ZNF469: variants seen among roughly 807,000 people sequenced by gnomAD.
ZNF469 encodes the protein zinc finger protein 469.
ZNF469 carries 1 observed loss-of-function variant against 1.0 expected under a neutral mutation model. The ratio of observed to expected loss-of-function variants is 1.00; its 90% CI spans 0.35 to 4.73. The LOEUF (loss-of-function observed/expected upper bound fraction) is 4.73, where lower values mean the gene tolerates loss of function less well. Ranked by LOEUF, ZNF469 falls within the 30% of genes most tolerant of loss-of-function variation. The pLI, the probability that ZNF469 is intolerant of heterozygous loss-of-function variation, is 0.16. For missense variants in ZNF469, 6,100 were observed against 5,356.3 expected (o/e 1.14, Z -4.33); for synonymous variants, 2,703 against 2,363.4 (o/e 1.14, Z -4.17).
chr16:88,123,385 T>A, the ZNF469 span, among the ~76,000 whole-genome samples: 2 of 152,218 alleles, frequency 1.3e-5, no homozygotes, highest in Non-Finnish European at 1.5e-5. Context: ...TATACTGCGG[T>A]TTGTTTGCAT....
At position 88,434,590 on chromosome 16, in the gene ZNF469, A is replaced by G; in HGVS notation, c.7120A>G (p.Ser2374Gly). ...CCTGGAAGGTGAGATGGGGACCAGC[A>G]GCAAGGAGCCGGAGGACCCAGGGAC... The part of the protein sequence containing the change: ...ACLEGEMGTS[S>G]KEPEDPGTPE... Residue 2374 changes from serine to glycine, a missense_variant, in exon 3 of 3, where the codon AGC becomes GGC. Transcript: ENST00000565624. 6.5e-7 allele frequency: 1 copy of G among 1,550,310 alleles called. No homozygotes were observed. Among genetic ancestry groups the G allele is most frequent in the Middle Eastern group, 1.7e-4 (1 of 5,990 alleles).
the ZNF469 span, among the ~76,000 whole-genome samples, chr16:88,242,408 G>A: frequency 0.14 from 21,070 of 152,100 alleles, 1,734 homozygotes; most frequent in East Asian, 0.37. Context: ...CTGGCTTGTC[G>A]AGGCCGCCTT....
chr16:88,301,094 G>A, the ZNF469 span, among the ~76,000 whole-genome samples: 1 of 152,018 alleles, frequency 6.6e-6, no homozygotes, highest in East Asian at 1.9e-4. Flanking sequence ...AAGAACTAAA[G>A]CCGTTGGGAG....
chr16:88,103,512 T>G, the ZNF469 span, among the ~76,000 whole-genome samples: 3 of 152,198 alleles, frequency 2.0e-5, no homozygotes, highest in African/African-American at 7.2e-5. Context: ...TGTCACTGCC[T>G]GAGTTTGGGG....
chr16:88,242,236 C>T, the ZNF469 span, among the ~76,000 whole-genome samples: 31 of 152,282 alleles, frequency 2.0e-4, 1 homozygote, highest in South Asian at 3.7e-3. Context: ...TTCTCATCAG[C>T]GGCTTCTCAT....
chr16:88,208,654 TGGAG>T, the ZNF469 span, among the ~76,000 whole-genome samples: 22 of 80,384 alleles, frequency 2.7e-4, no homozygotes, highest in South Asian at 2.1e-3. Context: ...GAAGAAGAGA[TGGAG>T]GGAGGGAGGG....
At chr16:88,203,684 C>CAG in the ZNF469 span, among the ~76,000 whole-genome samples, 5 of 152,152 alleles carry the variant, frequency 3.3e-5, no homozygotes, top group African/African-American at 4.8e-5. Context: ...CATGCCACTC[C>CAG]AGTCCCACCT....
chr16:88,219,843 C>T, the ZNF469 span, among the ~76,000 whole-genome samples: 5 of 152,142 alleles, frequency 3.3e-5, no homozygotes, highest in African/African-American at 7.2e-5. Flanking sequence ...TCAGCTCTTT[C>T]CTCTGTCCCC....
the ZNF469 span, among the ~76,000 whole-genome samples, chr16:88,104,028 G>A: frequency 1.4e-4 from 21 of 152,128 alleles, no homozygotes; most frequent in African/African-American, 2.4e-4. Context: ...GGTTGCCTGC[G>A]TCTGCTGTGC....
At position 88,430,856 on chromosome 16, in the gene ZNF469, G is replaced by C; in HGVS notation, c.3386G>C (p.Gly1129Ala). 1 of 1,536,846 alleles carries C rather than the reference G, an allele frequency of 6.5e-7. No individual in the cohort carries two copies. Among genetic ancestry groups the C allele is most frequent in the Non-Finnish European group, 8.7e-7 (1 of 1,146,216 alleles). ...AGGAAGGAAGTGGAGCTGACCCAGG[G>C]TCCCAGAGAGGATGAGCCACAGAAA... The part of the protein sequence containing the change: ...EKRKEVELTQ[G>A]PREDEPQKPR... The change falls in exon 3 of 3, where the codon GGT becomes GCT. Residue 1129 changes from glycine to alanine, a missense_variant. Physicochemically the swap from Gly to Ala is moderately conservative, Grantham distance 60. Coordinates refer to ENST00000565624, the MANE Select transcript of ZNF469 (RefSeq NM_001367624.2).
chr16:88,248,428 A>T, the ZNF469 span, among the ~76,000 whole-genome samples: 1 of 152,092 alleles, frequency 6.6e-6, no homozygotes, highest in Non-Finnish European at 1.5e-5. Flanking sequence ...ATTCCCCCCA[A>T]CTGCCAGGCA....
chr16:88,239,662 TTTTTGTATATATATATATATATATA>T, the ZNF469 span, among the ~76,000 whole-genome samples: 12 of 95,406 alleles, frequency 1.3e-4, 1 homozygote, highest in African/African-American at 4.6e-4. Flanking sequence ...TTATTTTTTT[TTTTTGTATATATATATATATATATA>T]TATATATATA....
intron 1 of ZNF469, among the ~76,000 whole-genome samples, chr16:88,402,675 C>G (rs1175963539): frequency 1.3e-5 from 2 of 152,162 alleles, no homozygotes; most frequent in Non-Finnish European, 2.9e-5. Flanking sequence ...TCAGGGCCCT[C>G]TCTCATGCCA....
rs1391518819 is a variant in ZNF469 at position 88,432,941 on chromosome 16, G to A, written c.5471G>A (p.Gly1824Asp). The A allele has an allele frequency of 3.9e-6, 6 of 1,550,398 alleles. No homozygotes were observed. The highest frequency in any genetic ancestry group is 5.2e-6 in the Non-Finnish European group (6 of 1,146,980). Residue 1824 changes from glycine to aspartate, a missense_variant, in exon 3 of 3, where the codon GGT (glycine) becomes GAT (aspartate). Coordinates refer to ENST00000565624, the MANE Select transcript of ZNF469 (RefSeq NM_001367624.2). ...APPLDATWPFGASPSHAAQGH... is the reference protein window; with the variant it reads ...APPLDATWPFDASPSHAAQGH... ...CCTCTGGATGCCACCTGGCCTTTTGGTGCCAGTCCCAGCCATGCTGCCCAG... is the reference window on the plus strand; with the variant it reads ...CCTCTGGATGCCACCTGGCCTTTTGATGCCAGTCCCAGCCATGCTGCCCAG...
Position 88,431,862 on chromosome 16 carries a change from C to T in ZNF469, c.4392C>T (p.Phe1464=), listed in dbSNP as rs773767800. The T allele has an allele frequency of 1.9e-6, 3 of 1,549,936 alleles. No homozygotes were observed. Among genetic ancestry groups the T allele is most frequent in the African/African-American group, 1.4e-5 (1 of 73,042 alleles). Residue 1464 remains phenylalanine, a synonymous_variant, in exon 3 of 3, where the codon TTC becomes TTT. Transcript: ENST00000565624. ...TCCCAGACCTGCCGGTGGACAGATT[C>T]GACCCACCCCTCTATGGCAGCCTGT... ...SLFPDLPVDR[F]DPPLYGSLSA...
At chr16:88,113,233 T>C in the ZNF469 span, among the ~76,000 whole-genome samples, 1 of 152,158 alleles carries the variant, frequency 6.6e-6, no homozygotes, top group Non-Finnish European at 1.5e-5. Flanking sequence ...TCATTGGAGG[T>C]CTTGGATTCC....
chr16:88,227,899 T>C, the ZNF469 span, among the ~76,000 whole-genome samples: 1 of 152,074 alleles, frequency 6.6e-6, no homozygotes, highest in Non-Finnish European at 1.5e-5. Flanking sequence ...CCTCCATTAT[T>C]ATGGGACCTT....
chr16:88,134,365 A>G, the ZNF469 span, among the ~76,000 whole-genome samples: 1 of 152,180 alleles, frequency 6.6e-6, no homozygotes, highest in Non-Finnish European at 1.5e-5. Flanking sequence ...TGCTGGAACC[A>G]TGTGCTGGGA....
the ZNF469 span, among the ~76,000 whole-genome samples, chr16:88,133,790 T>G: frequency 6.6e-6 from 1 of 152,218 alleles, no homozygotes; most frequent in Non-Finnish European, 1.5e-5. Flanking sequence ...GATTGTACAT[T>G]ATGCATAAAA....
Sources: allele counts gnomAD v4.1 joint callset (sites outside exome capture counted in the v4.1 genomes callset), GRCh38; gene constraint gnomAD v4.1.1; transcripts MANE v1.5; gene names NCBI Gene and HGNC (gene_info 2026-07-23, HGNC 2026-07-21).